EFCAB3: variants seen among roughly 807,000 people sequenced by gnomAD.
EFCAB3 encodes EF-hand calcium-binding domain-containing protein 3.
EFCAB3 carries 36 observed loss-of-function variants against 42.2 expected under a neutral mutation model. The observed-to-expected ratio is 0.85, with a 90% CI of 0.65 to 1.13. EFCAB3 has a LOEUF of 1.13. Ranked by LOEUF, EFCAB3 falls within the 50% of genes most tolerant of loss-of-function variation. The pLI is 0.00. For synonymous variants in EFCAB3, 170 were observed against 172.8 expected (o/e 0.98, Z 0.13); for missense variants, 418 against 505.1 (o/e 0.83, Z 1.65).
Position 62,407,646 on chromosome 17 carries a change from A to G in EFCAB3, c.867+434A>G, listed in dbSNP as rs538932591. ...CCTGCCCTCGACTAGATCCCCATTTATGGTCCCAGCTGCACCTTCTGGCCT... is the reference window on the plus strand; with the variant it reads ...CCTGCCCTCGACTAGATCCCCATTTGTGGTCCCAGCTGCACCTTCTGGCCT... On this transcript the variant is annotated intron_variant, in intron 8 of 9. Transcript: ENST00000305286. Among the ~76,000 whole-genome samples the G allele has an allele frequency of 7.9e-5, 12 of 152,244 alleles. No homozygotes were observed. In the South Asian group the frequency reaches 2.1e-3, roughly 26 times the overall value.
At chr17:62,394,312 T>TA (rs556793182) in intron 5 of EFCAB3, among the ~76,000 whole-genome samples, 98 of 152,100 alleles carry the variant, frequency 6.4e-4, no homozygotes, top group South Asian at 6.2e-3. Context: ...TCCTTTTATT[T>TA]AAAAAAAATT....
intron 8 of EFCAB3, among the ~76,000 whole-genome samples, chr17:62,408,134 C>T (rs1464546797): frequency 6.6e-6 from 1 of 152,182 alleles, no homozygotes; most frequent in Non-Finnish European, 1.5e-5. Context: ...TGTTTATTGT[C>T]AATCTCTCCA....
In EFCAB3 at chr17:62,407,112, AG is replaced by A. The variant is rs1567728005; in HGVS notation, c.768del (p.Lys256AsnfsTer9). The A allele has an allele frequency of 1.2e-6, 2 of 1,613,374 alleles. No homozygotes were observed. Among genetic ancestry groups the A allele is most frequent in the Non-Finnish European group, 1.7e-6 (2 of 1,179,736 alleles). On this transcript the variant is annotated frameshift_variant, in exon 8 of 10. Transcript: ENST00000305286. LOFTEE classifies it high-confidence loss of function. The stretch of plus-strand genomic sequence containing the variant: ...AATGTGGATGGGGTGGTGATGGGAA[AG>A]CCATTCAAAGACATGCAGAAATTAG... ...FPNVDGVVMG[K>X]PFKDMQKLEM...
chr17:62,409,283 G>A lies in EFCAB3; in HGVS notation c.867+2071G>A, dbSNP rs144061375. Reference sequence around the variant, plus strand: ...TGTTGGTCAGGCTGGTCTCAAACTCGTGACCTCAGGTGATCCACCTGCCTC... The same window carrying A: ...TGTTGGTCAGGCTGGTCTCAAACTCATGACCTCAGGTGATCCACCTGCCTC... On this transcript the variant is annotated intron_variant, in intron 8 of 9. Coordinates refer to ENST00000305286, the MANE Select transcript of EFCAB3 (RefSeq NM_173503.4). 2.7e-3 allele frequency among the ~76,000 whole-genome samples: 418 copies of A among 152,082 alleles called. 4 individuals are homozygous for A. Among genetic ancestry groups the A allele is most frequent in the African/African-American group, 9.7e-3 (403 of 41,510 alleles).
In EFCAB3 at chr17:62,393,608, G is replaced by A. The variant is rs772637360; in HGVS notation, c.331G>A (p.Val111Ile). The change falls in exon 5 of 10, where the codon GTT becomes ATT. Residue 111 changes from valine (V) to isoleucine (I), a missense_variant. By Grantham distance (29) the Val-to-Ile change is conservative. Transcript: ENST00000305286. The part of the protein sequence containing the change: ...GKVNFSDFIK[V>I]LTDKNLFLKA... ...GGTGAACTTCTCAGACTTTATCAAGGTTCTAACAGATAAGAATCTCTTCCT... is the reference window on the plus strand; with the variant it reads ...GGTGAACTTCTCAGACTTTATCAAGATTCTAACAGATAAGAATCTCTTCCT... 6.2e-7 allele frequency: 1 copy of A among 1,614,024 alleles called. No homozygotes were observed. Among genetic ancestry groups the A allele is most frequent in the South Asian group, 1.1e-5 (1 of 91,064 alleles).
At chr17:62,372,910 A>G (rs2070124076) in intron 1 of EFCAB3, among the ~76,000 whole-genome samples, 1 of 152,062 alleles carries the variant, frequency 6.6e-6, no homozygotes, top group South Asian at 2.1e-4. Flanking sequence ...CCCTCAAAAT[A>G]CCTTGTTCCT....
rs1203919600 is a variant in EFCAB3 at position 62,395,079 on chromosome 17, G to A, written c.379G>A (p.Glu127Lys). Residue 127 changes from glutamate (E) to lysine (K), a missense_variant, in exon 6 of 10, where the codon GAG becomes AAG. By Grantham distance (56) the Glu-to-Lys change is moderately conservative (BLOSUM62 1). Transcript: ENST00000305286. ...LFLKAVVPEKETCLDLAGNPG... is the reference protein window; with the variant it reads ...LFLKAVVPEKKTCLDLAGNPG... Reference sequence around the variant, plus strand: ...TTTTCCCTCCATAGTTCCAGAAAAGGAGACCTGTTTAGATTTGGCTGGCAA... The same window carrying A: ...TTTTCCCTCCATAGTTCCAGAAAAGAAGACCTGTTTAGATTTGGCTGGCAA... 4 of 1,613,594 alleles carry A rather than the reference G, an allele frequency of 2.5e-6. No individual in the cohort carries two copies. Among genetic ancestry groups the A allele is most frequent in the East Asian group, 4.5e-5 (2 of 44,868 alleles).
chr17:62,383,052 AG>A lies in EFCAB3; in HGVS notation c.74+1del. ...LTKVPISHNK[R>X]DRDLPGSLQC... is the part of the protein sequence containing the mutation. ...AAAAGTACCCATCTCCCACAATAAA[AG>A]GTAGGTAATGAATGATTAAGGGTGA... On this transcript the variant is annotated frameshift_variant and splice_region_variant, in exon 2 of 10. Transcript: ENST00000305286. LOFTEE classifies it high-confidence loss of function. 1.2e-6 allele frequency: 2 copies of A among 1,610,382 alleles called. No homozygotes were observed. Among genetic ancestry groups the A allele is most frequent in the Admixed American group, 1.7e-5 (1 of 59,622 alleles).
upstream of EFCAB3, among the ~76,000 whole-genome samples, chr17:62,379,607 C>T (rs980419903): frequency 2.0e-5 from 3 of 152,050 alleles, no homozygotes; most frequent in African/African-American, 7.2e-5. Context: ...ATGAACAAAT[C>T]CCCCTGAGCA....
At chr17:62,384,562 C>T (rs1290619147) in intron 2 of EFCAB3, among the ~76,000 whole-genome samples, 1 of 152,198 alleles carries the variant, frequency 6.6e-6, no homozygotes, top group Non-Finnish European at 1.5e-5. Context: ...TTAGGGTGAG[C>T]TGAGATCGCA....
chr17:62,407,104 G>A lies in EFCAB3; in HGVS notation c.759G>A (p.Val253=), dbSNP rs2070455011. 1 of 1,613,524 alleles carries A rather than the reference G, an allele frequency of 6.2e-7. No homozygotes were observed. The highest frequency in any genetic ancestry group is 1.3e-5 in the African/African-American group (1 of 75,048). Residue 253 remains valine (V), a synonymous_variant, in exon 8 of 10, where the codon GTG becomes GTA. Transcript: ENST00000305286. The stretch of plus-strand genomic sequence containing the variant: ...TGTTCCCTAATGTGGATGGGGTGGT[G>A]ATGGGAAAGCCATTCAAAGACATGC... ...FPLFPNVDGV[V]MGKPFKDMQK...
chr17:62,388,758 A>G (rs999891354), intron 3 of EFCAB3, among the ~76,000 whole-genome samples: 2 of 152,200 alleles, frequency 1.3e-5, no homozygotes, highest in African/African-American at 4.8e-5. Flanking sequence ...ATAATCAATC[A>G]ACCTTTATTG....
At chr17:62,381,656 A>G in intron 1 of EFCAB3, 1 of 190,548 alleles carries the variant, frequency 5.2e-6, no homozygotes, top group Admixed American at 6.2e-5. Context: ...GCCTCCGTAG[A>G]CGCCCGCCCC....
At chr17:62,401,094 A>G (rs1456905202) in intron 6 of EFCAB3, among the ~76,000 whole-genome samples, 1 of 152,112 alleles carries the variant, frequency 6.6e-6, no homozygotes, top group East Asian at 1.9e-4. Flanking sequence ...TTCTTTTGAG[A>G]AGTATCTATT....
At chr17:62,405,868 C>T (rs141408666) in intron 6 of EFCAB3, among the ~76,000 whole-genome samples, 51 of 152,256 alleles carry the variant, frequency 3.3e-4, no homozygotes, top group Admixed American at 2.3e-3. Context: ...TACTCCAGAT[C>T]GTAAGCTTAC....
chr17:62,373,460 A>AG (rs1188992564), intron 1 of EFCAB3, among the ~76,000 whole-genome samples: 1 of 151,846 alleles, frequency 6.6e-6, no homozygotes, highest in East Asian at 1.9e-4. Context: ...CAAAAAAAAA[A>AG]AAATTGTTTA....
intron 8 of EFCAB3, among the ~76,000 whole-genome samples, chr17:62,409,198 A>G (rs1287032137): frequency 2.0e-5 from 3 of 152,008 alleles, no homozygotes; most frequent in African/African-American, 7.3e-5. Context: ...GCTGGACCAC[A>G]GGCATGCGCC....
intron 4 of EFCAB3, among the ~76,000 whole-genome samples, chr17:62,392,919 G>A (rs1469156551): frequency 2.0e-5 from 3 of 152,180 alleles, no homozygotes; most frequent in Non-Finnish European, 4.4e-5. Context: ...TTACAGGCAT[G>A]AGCCACCATG....
At chr17:62,400,474 C>T (rs1248961801) in intron 6 of EFCAB3, among the ~76,000 whole-genome samples, 6 of 152,040 alleles carry the variant, frequency 3.9e-5, no homozygotes, top group Non-Finnish European at 7.4e-5. Context: ...TGAGAACATG[C>T]GGTGTTTGGT....
Sources: gnomAD v4.1 joint callset for allele counts (sites outside exome capture counted in the v4.1 genomes callset) on GRCh38, gnomAD v4.1.1 for gene constraint, MANE v1.5 for transcripts, NCBI Gene and HGNC (gene_info 2026-07-23, HGNC 2026-07-21) for gene names.